The following UNC5C variants were observed in gnomAD, a reference collection of about 807,000 sequenced individuals.
The protein encoded by UNC5C is netrin receptor UNC5C.
A neutral mutation model predicts 99.8 loss-of-function variants in UNC5C; 47 were observed. The observed-to-expected ratio is 0.47, with a 90% CI of 0.37 to 0.60. The LOEUF is 0.60. Ranked by LOEUF, UNC5C falls within the 20% of genes least tolerant of loss-of-function variation. The probability of loss-of-function intolerance (pLI) is 0.00; values close to 1 mark genes in which losing one functional copy is unlikely to be tolerated. For synonymous variants in UNC5C, 487 were observed against 452.2 expected (o/e 1.08, Z -0.98); for missense variants, 1,062 against 1,165.9 (o/e 0.91, Z 1.30).
intron 1 of UNC5C, among the ~76,000 whole-genome samples, chr4:95,340,781 C>T (rs75385524): frequency 0.039 from 5,989 of 152,126 alleles, 145 homozygotes; most frequent in Non-Finnish European, 0.056. Flanking sequence ...ATTTTCTGCC[C>T]GCTTAAGCCT....
In UNC5C at chr4:95,244,967, G is replaced by T. The variant is rs1195080074; in HGVS notation, c.943+10C>A. 1.2e-6 allele frequency: 2 copies of T among 1,613,396 alleles called. No homozygotes were observed. The highest frequency in any genetic ancestry group is 1.7e-6 in the Non-Finnish European group (2 of 1,179,812). ...GGAGATACTTGGAATGAGAGGACTG[G>T]TTTATTTACCTGGGCATAACGTAGT... On this transcript the variant is annotated intron_variant, in intron 6 of 15. Coordinates refer to ENST00000453304, the MANE Select transcript of UNC5C (RefSeq NM_003728.4).
intron 4 of UNC5C, among the ~76,000 whole-genome samples, chr4:95,278,003 T>C (rs1413730186): frequency 6.6e-6 from 1 of 152,232 alleles, no homozygotes; most frequent in Non-Finnish European, 1.5e-5. Flanking sequence ...TAAAGCAGTA[T>C]TTCTGATTTC....
At chr4:95,510,568 T>G (rs1454472398) in intron 1 of UNC5C, among the ~76,000 whole-genome samples, 2 of 150,860 alleles carry the variant, frequency 1.3e-5, no homozygotes, top group Non-Finnish European at 3.0e-5. Context: ...CATATAGATT[T>G]GAAAATGGTT....
At chr4:95,360,262 C>T in intron 1 of UNC5C, among the ~76,000 whole-genome samples, 1 of 152,076 alleles carries the variant, frequency 6.6e-6, no homozygotes, top group Non-Finnish European at 1.5e-5. Context: ...ATTTATTTAA[C>T]CAATATATTT....
intron 12 of UNC5C, 113 bp from the exon 13 acceptor site, chr4:95,185,309 C>A: frequency 2.9e-6 from 4 of 1,356,018 alleles, no homozygotes; most frequent in Non-Finnish European, 4.0e-6. Context: ...GGAACTTGTG[C>A]AACACCTTGA....
intron 7 of UNC5C, 35 bp from the exon 8 acceptor site, chr4:95,220,211 TATAGA>T (rs1738421351): frequency 6.3e-7 from 1 of 1,580,488 alleles, no homozygotes; most frequent in Non-Finnish European, 8.6e-7. Flanking sequence ...ACCAGCTGCT[TATAGA>T]AATTTCCCAC....
At chr4:95,375,876 G>A (rs1744880393) in intron 1 of UNC5C, among the ~76,000 whole-genome samples, 1 of 152,096 alleles carries the variant, frequency 6.6e-6, no homozygotes, top group Non-Finnish European at 1.5e-5. Flanking sequence ...AGGAGATTGA[G>A]ACCATCCTGG....
intron 1 of UNC5C, among the ~76,000 whole-genome samples, chr4:95,531,311 C>T (rs1722635973): frequency 6.6e-6 from 1 of 152,176 alleles, no homozygotes; most frequent in Admixed American, 6.5e-5. Flanking sequence ...AATTACAGGT[C>T]TGTCTCCTAA....
chr4:95,322,569 T>C (rs991577618), intron 2 of UNC5C, among the ~76,000 whole-genome samples: 4 of 152,172 alleles, frequency 2.6e-5, no homozygotes, highest in African/African-American at 9.7e-5. Context: ...TCTATTAATA[T>C]ATGTATACAT....
chr4:95,366,414 C>A (rs1283724023), intron 1 of UNC5C, among the ~76,000 whole-genome samples: 1 of 152,204 alleles, frequency 6.6e-6, no homozygotes, highest in Non-Finnish European at 1.5e-5. Flanking sequence ...ATTCTTTTAT[C>A]CTAAACTTCT....
chr4:95,242,330 T>C, intron 7 of UNC5C, 99 bp downstream of exon 7: 6 of 1,481,852 alleles, frequency 4.0e-6, no homozygotes, highest in Non-Finnish European at 5.5e-6. Context: ...ATTTTATTGT[T>C]GTTGAAAGAA....
At chr4:95,440,641 A>G (rs1746923381) in intron 1 of UNC5C, among the ~76,000 whole-genome samples, 1 of 152,182 alleles carries the variant, frequency 6.6e-6, no homozygotes, top group African/African-American at 2.4e-5. Flanking sequence ...TAATGGTGAT[A>G]ATTAGTAAGA....
At chr4:95,344,882 T>A (rs777028354) in intron 1 of UNC5C, among the ~76,000 whole-genome samples, 4 of 151,508 alleles carry the variant, frequency 2.6e-5, no homozygotes, top group Non-Finnish European at 5.9e-5. Flanking sequence ...AAATGCCAAC[T>A]GAGGAAAAAA....
chr4:95,415,437 A>G (rs946184557), intron 1 of UNC5C, among the ~76,000 whole-genome samples: 8 of 152,252 alleles, frequency 5.3e-5, no homozygotes, highest in Non-Finnish European at 1.0e-4. Flanking sequence ...GGATCAGATG[A>G]TTCATAGCAA....
chr4:95,345,646 A>G (rs1404911734), intron 1 of UNC5C, among the ~76,000 whole-genome samples: 2 of 152,052 alleles, frequency 1.3e-5, no homozygotes, highest in African/African-American at 4.8e-5. Context: ...TTGAAATTAT[A>G]TCAAGTATCT....
chr4:95,451,151 A>G (rs996717455), intron 1 of UNC5C, among the ~76,000 whole-genome samples: 1 of 152,152 alleles, frequency 6.6e-6, no homozygotes, highest in Admixed American at 6.5e-5. Context: ...TTAAATCTCA[A>G]CGTGGAAGTC....
At chr4:95,179,295 G>A (rs2149348598) in intron 14 of UNC5C, among the ~76,000 whole-genome samples, 1 of 152,298 alleles carries the variant, frequency 6.6e-6, no homozygotes. Context: ...CAGATGAAAT[G>A]GCTGTAGCAG....
At chr4:95,267,930 C>G (rs537537997) in intron 4 of UNC5C, among the ~76,000 whole-genome samples, 1 of 147,544 alleles carries the variant, frequency 6.8e-6, no homozygotes, top group Non-Finnish European at 1.5e-5. Flanking sequence ...CAATATGATC[C>G]TGTAGGCTGA....
chr4:95,219,087 C>A lies in UNC5C; in HGVS notation c.1527G>T (p.Leu509Phe). The change falls in exon 9 of 16, where the codon TTG (leucine) becomes TTT (phenylalanine). Residue 509 changes from leucine to phenylalanine, a missense_variant. This residue lies in a region of UNC5C where 810 missense variants were observed against 854.5 expected (regional missense o/e 0.95). Transcript: ENST00000453304. ...TCAGGCTGAGGGCTTCATTCTCCAACAACGACTGGGTCATCTGAGGGGACA... is the reference window on the plus strand; with the variant it reads ...TCAGGCTGAGGGCTTCATTCTCCAAAAACGACTGGGTCATCTGAGGGGACA... ...SKLSPQMTQS[L>F]LENEALSLKN... 6.2e-7 allele frequency: 1 copy of A among 1,614,150 alleles called. No homozygotes were observed. The highest frequency in any genetic ancestry group is 1.1e-5 in the South Asian group (1 of 91,086).
Sources: allele counts gnomAD v4.1 joint callset (sites outside exome capture counted in the v4.1 genomes callset), GRCh38; gene constraint gnomAD v4.1.1; regional missense constraint gnomAD v4.1.1; transcripts MANE v1.5; gene names NCBI Gene and HGNC (gene_info 2026-07-23, HGNC 2026-07-21).